The following ITGAX variants were observed in gnomAD, a reference collection of about 807,000 sequenced individuals.
The protein encoded by ITGAX is integrin alpha-X.
Under a neutral mutation model 140.2 loss-of-function variants are expected in ITGAX, and 99 were observed. The observed-to-expected ratio is 0.71, with a 90% CI of 0.60 to 0.83. The LOEUF is 0.83. Ranked by LOEUF, ITGAX falls within the 40% of genes least tolerant of loss-of-function variation. The pLI is 0.00. For synonymous variants in ITGAX, 631 were observed against 600.4 expected (o/e 1.05, Z -0.75); for missense variants, 1,444 against 1,482.0 (o/e 0.97, Z 0.42).
Position 31,363,149 on chromosome 16 carries a change from T to A in ITGAX, c.1501-16T>A. ...GGGTTGCCCGGGTTGGGCCTGGCAC[T>A]GCTTTTTTTCTGCAGTGGAGAAGGT... On this transcript the variant is annotated splice_polypyrimidine_tract_variant and intron_variant, in intron 13 of 29. Coordinates refer to ENST00000268296, the MANE Select transcript of ITGAX (RefSeq NM_000887.5). 1 of 1,608,686 alleles carries A rather than the reference T, an allele frequency of 6.2e-7. No homozygotes were observed.
intron 14 of ITGAX, among the ~76,000 whole-genome samples, chr16:31,369,312 G>A (rs1226993197): frequency 4.4e-5 from 6 of 135,968 alleles, no homozygotes; most frequent in South Asian, 2.6e-4. Context: ...CCTCCCTCCC[G>A]GACGGGGCAG....
intron 14 of ITGAX, among the ~76,000 whole-genome samples, chr16:31,364,366 G>T (rs1470982560): frequency 6.8e-6 from 1 of 147,194 alleles, no homozygotes; most frequent in African/African-American, 2.5e-5. Flanking sequence ...GGTTGAGGCT[G>T]CAGTGAGCTA....
chr16:31,362,150 C>A lies in ITGAX; in HGVS notation c.1162C>A (p.Pro388Thr), dbSNP rs2142492620. The change falls in exon 11 of 30, where the codon CCT (proline) becomes ACT (threonine). Residue 388 changes from proline (P) to threonine (T), a missense_variant. Pro to Thr is a conservative substitution (Grantham distance 38, BLOSUM62 -1). Transcript: ENST00000268296. ...GAFLYPPNMS[P>T]TFINMSQENV... is the part of the protein sequence containing the mutation. ...CTTCCTGTACCCCCCAAATATGAGC[C>A]CTACCTTCATCAACATGTCTCAGGA... is the stretch of plus-strand genomic sequence containing the variant. 1 of 1,614,060 alleles carries A rather than the reference C, an allele frequency of 6.2e-7. No individual in the cohort carries two copies. Among genetic ancestry groups the A allele is most frequent in the Middle Eastern group, 1.7e-4 (1 of 6,060 alleles).
At chr16:31,376,966 A>C in intron 21 of ITGAX, 34 bp from the exon 22 acceptor site, 1 of 1,613,528 alleles carries the variant, frequency 6.2e-7, no homozygotes, top group South Asian at 1.1e-5. Context: ...CCCTGTCTTT[A>C]CTGCTCTGTG....
chr16:31,356,592 C>G, intron 2 of ITGAX, 33 bp from the exon 3 acceptor site: 1 of 1,508,304 alleles, frequency 6.6e-7, no homozygotes, highest in Non-Finnish European at 9.1e-7. Context: ...AGCGTCCACA[C>G]TCTTACCTAA....
chr16:31,369,195 T>A (rs1435737516), intron 14 of ITGAX, among the ~76,000 whole-genome samples: 1 of 133,620 alleles, frequency 7.5e-6, no homozygotes, highest in African/African-American at 2.8e-5. Context: ...CGGGCAGAGG[T>A]GCCCCTCACC....
chr16:31,371,376 A>G lies in ITGAX; in HGVS notation c.1884A>G (p.Ile628Met), dbSNP rs1368140593. ...VLWVGVSMQF[I>M]PAEIPRSAFE... ...GGGTGGGGGTGAGCATGCAGTTCAT[A>G]CCTGCCGAGATCCCCAGGTCTGCGT... Residue 628 changes from isoleucine to methionine, a missense_variant, in exon 16 of 30, where the codon ATA becomes ATG. By Grantham distance (10) the Ile-to-Met change is conservative (BLOSUM62 1). Transcript: ENST00000268296. 1 of 1,614,088 alleles carries G rather than the reference A, an allele frequency of 6.2e-7. No individual in the cohort carries two copies. The highest frequency in any genetic ancestry group is 1.1e-5 in the South Asian group (1 of 91,078).
chr16:31,356,998 C>T (rs777237475), intron 3 of ITGAX, 33 bp from the exon 4 acceptor site: 22 of 1,569,158 alleles, frequency 1.4e-5, no homozygotes, highest in South Asian at 1.2e-4. Context: ...TCTGTACCCC[C>T]GAGAGTGACC....
intron 3 of ITGAX, 95 bp from the exon 4 acceptor site, chr16:31,356,936 C>T: frequency 8.8e-7 from 1 of 1,130,430 alleles, no homozygotes; most frequent in Non-Finnish European, 1.3e-6. Flanking sequence ...ACCGTCAGAC[C>T]TCCTTGTCTC....
intron 20 of ITGAX, 53 bp downstream of exon 20, chr16:31,373,443 C>A: frequency 1.3e-6 from 2 of 1,554,278 alleles, no homozygotes; most frequent in South Asian, 1.2e-5. Context: ...AGCGTAGATT[C>A]CCGTGCGGTT....
Position 31,380,331 on chromosome 16 carries a change from G to C in ITGAX, c.3126G>C (p.Glu1042Asp). Residue 1042 changes from glutamate to aspartate, a missense_variant, in exon 27 of 30, where the codon GAG (glutamate) becomes GAC (aspartate). Physicochemically the swap from Glu to Asp is conservative, Grantham distance 45. Coordinates refer to ENST00000268296, the MANE Select transcript of ITGAX (RefSeq NM_000887.5). The stretch of plus-strand genomic sequence containing the variant: ...TCCCCTCCTTCAGCGTCCAGGAGGA[G>C]CTGGATTTCACCCTGAAGGGCAACC... The part of the protein sequence containing the change: ...CDVPSFSVQE[E>D]LDFTLKGNLS... 6.2e-7 allele frequency: 1 copy of C among 1,614,244 alleles called. No homozygotes were observed. The highest frequency in any genetic ancestry group is 8.5e-7 in the Non-Finnish European group (1 of 1,180,050).
intron 29 of ITGAX, 136 bp from the exon 30 acceptor site, chr16:31,381,667 T>A: frequency 1.5e-6 from 1 of 657,384 alleles, no homozygotes; most frequent in South Asian, 2.0e-5. Flanking sequence ...GATGACATGA[T>A]GCATATAAAG....
chr16:31,371,814 C>G lies in ITGAX; in HGVS notation c.2160+30C>G. ...GTCTGGGCATGAACGTGGGTGGCGG[C>G]CGCGCTGGGGCTGGCAGAAGGCAGG... On this transcript the variant is annotated intron_variant, in intron 17 of 29. Coordinates refer to ENST00000268296, the MANE Select transcript of ITGAX (RefSeq NM_000887.5). 3.1e-6 allele frequency: 5 copies of G among 1,608,632 alleles called. No homozygotes were observed. In the South Asian group the frequency reaches 3.3e-5, roughly 11 times the overall value.
At position 31,379,975 on chromosome 16, in the gene ITGAX, C is replaced by A. The variant is rs546705356; in HGVS notation, c.2977-7C>A. On this transcript the variant is annotated splice_polypyrimidine_tract_variant and splice_region_variant and intron_variant, in intron 25 of 29. Coordinates refer to ENST00000268296, the MANE Select transcript of ITGAX (RefSeq NM_000887.5). ...CTGAGACACTTGTTCTCTGCATTTTCCCCCAGAACCCATCCCTTCGGTGCT... is the reference window on the plus strand; with the variant it reads ...CTGAGACACTTGTTCTCTGCATTTTACCCCAGAACCCATCCCTTCGGTGCT... 5 of 1,613,510 alleles carry A rather than the reference C, an allele frequency of 3.1e-6. No homozygotes were observed. Among genetic ancestry groups the A allele is most frequent in the African/African-American group, 2.7e-5 (2 of 74,910 alleles).
Position 31,362,146 on chromosome 16 carries a change from G to A in ITGAX, c.1158G>A (p.Met386Ile). 6 of 1,614,104 alleles carry A rather than the reference G, an allele frequency of 3.7e-6. No homozygotes were observed. Among genetic ancestry groups the A allele is most frequent in the Non-Finnish European group, 5.1e-6 (6 of 1,180,014 alleles). The change falls in exon 11 of 30, where the codon ATG (methionine) becomes ATA (isoleucine). Residue 386 changes from methionine (M) to isoleucine (I), a missense_variant. Physicochemically the swap from Met to Ile is conservative, Grantham distance 10 (BLOSUM62 1). Transcript: ENST00000268296. Reference sequence around the variant, plus strand: ...GTGCCTTCCTGTACCCCCCAAATATGAGCCCTACCTTCATCAACATGTCTC... The same window carrying A: ...GTGCCTTCCTGTACCCCCCAAATATAAGCCCTACCTTCATCAACATGTCTC... ...SGGAFLYPPN[M>I]SPTFINMSQE...
rs1469021886 is a variant in ITGAX, at chr16:31,356,051, G to C, written c.143+53G>C. 33 of 1,326,700 alleles carry C rather than the reference G, an allele frequency of 2.5e-5. No individual in the cohort carries two copies. The East Asian group carries it at 7.3e-4, about 29-fold the overall frequency. The allele number at this position is 1,326,700 out of a possible 1,614,324, so 82.2% of individuals were successfully genotyped here. On this transcript the variant is annotated intron_variant, in intron 2 of 29. Transcript: ENST00000268296. ...GCTCCATCCATCCTCTCCCTGCTCA[G>C]GGCCCCATGCCCCCGGCCCTGCCCT...
chr16:31,364,589 A>G (rs905877714), intron 14 of ITGAX, among the ~76,000 whole-genome samples: 7 of 152,106 alleles, frequency 4.6e-5, no homozygotes, highest in African/African-American at 1.7e-4. Context: ...CACCTACTAG[A>G]ATGGCTAGAA....
chr16:31,375,585 A>C (rs1348752195), intron 20 of ITGAX, among the ~76,000 whole-genome samples: 1 of 152,242 alleles, frequency 6.6e-6, no homozygotes. Flanking sequence ...ATCACACCCA[A>C]TGAAATAAGT....
chr16:31,356,043 C>G (rs1284341735), intron 2 of ITGAX, 45 bp downstream of exon 2: 2 of 1,403,990 alleles, frequency 1.4e-6, no homozygotes, highest in Non-Finnish European at 2.0e-6. Flanking sequence ...CCATCCTCTC[C>G]CTGCTCAGGG....
Sources: allele counts gnomAD v4.1 joint callset (sites outside exome capture counted in the v4.1 genomes callset), GRCh38; gene constraint gnomAD v4.1.1; transcripts MANE v1.5; gene names NCBI Gene and HGNC (gene_info 2026-07-23, HGNC 2026-07-21).